Variants in ARID4B observed in about 807,000 individuals in gnomAD.
The protein encoded by ARID4B is AT-rich interactive domain-containing protein 4B.
ARID4B carries 26 observed loss-of-function variants against 147.5 expected under a neutral mutation model. The ratio of observed to expected loss-of-function variants is 0.18; its 90% CI spans 0.13 to 0.24. ARID4B has a LOEUF of 0.24. Among genes scored for constraint, ARID4B ranks in the 10% least tolerant of loss-of-function variants. ARID4B has a pLI of 1.00. For synonymous variants in ARID4B, 512 were observed against 507.9 expected (o/e 1.01, Z -0.11); for missense variants, 1,179 against 1,511.5 (o/e 0.78, Z 3.65).
rs11801118 is a variant in ARID4B at position 235,170,663 on chromosome 1, G to A, written c.3811+1955C>T. 2.1e-3 allele frequency among the ~76,000 whole-genome samples: 325 copies of A among 152,072 alleles called. 2 individuals carry two copies. Among genetic ancestry groups the A allele is most frequent in the African/African-American group, 7.5e-3 (310 of 41,498 alleles). On this transcript the variant is annotated intron_variant, in intron 23 of 23. Coordinates refer to ENST00000264183, the MANE Select transcript of ARID4B (RefSeq NM_016374.6). ...TGAGGCAGGAGAATGGCGTGAACCC[G>A]GGAGGCGGAGCTTGCAGTGAGCCAA...
At chr1:235,288,092 A>T (rs1156484072) in intron 2 of ARID4B, among the ~76,000 whole-genome samples, 1 of 152,220 alleles carries the variant, frequency 6.6e-6, no homozygotes, top group Admixed American at 6.5e-5. Context: ...GGATCACCTG[A>T]AGTCAGGAAT....
chr1:235,291,276 G>A (rs1318233843), intron 2 of ARID4B, among the ~76,000 whole-genome samples: 4 of 151,786 alleles, frequency 2.6e-5, no homozygotes, highest in African/African-American at 9.7e-5. Context: ...GCATGGTGGC[G>A]GGTGCCTGTA....
intron 12 of ARID4B, among the ~76,000 whole-genome samples, chr1:235,223,818 T>G (rs948447513): frequency 6.6e-6 from 1 of 151,650 alleles, no homozygotes; most frequent in African/African-American, 2.4e-5. Context: ...CTACAAAATA[T>G]ATGACTGGCT....
chr1:235,289,468 A>AT (rs1219114435), intron 2 of ARID4B, among the ~76,000 whole-genome samples: 1 of 152,178 alleles, frequency 6.6e-6, no homozygotes, highest in Non-Finnish European at 1.5e-5. Flanking sequence ...GTTCACTCCT[A>AT]TAGTCCCAAC....
chr1:235,208,383 TTAAA>T (rs1277384880), intron 17 of ARID4B, among the ~76,000 whole-genome samples: 5 of 152,304 alleles, frequency 3.3e-5, no homozygotes, highest in South Asian at 2.1e-4. Flanking sequence ...CTAAGAAAAG[TTAAA>T]TAGAGAGCCT....
At chr1:235,215,545 A>ATGTGTGTGTGTG (rs1324619607) in intron 16 of ARID4B, among the ~76,000 whole-genome samples, 29 of 109,010 alleles carry the variant, frequency 2.7e-4, no homozygotes, top group Non-Finnish European at 4.3e-4. Flanking sequence ...GCACACATAT[A>ATGTGTGTGTGTG]TATGTGTGTG....
At chr1:235,253,088 G>A (rs529547999) in intron 5 of ARID4B, among the ~76,000 whole-genome samples, 1 of 152,142 alleles carries the variant, frequency 6.6e-6, no homozygotes, top group African/African-American at 2.4e-5. Context: ...TATTTCAAGA[G>A]GAAAACATTT....
At chr1:235,183,314 T>C (rs938549169) in intron 19 of ARID4B, among the ~76,000 whole-genome samples, 3 of 151,966 alleles carry the variant, frequency 2.0e-5, no homozygotes, top group Admixed American at 2.0e-4. Flanking sequence ...GTTCACGCCA[T>C]TCTCCTGCCT....
At chr1:235,308,652 T>G (rs1673766054) in intron 2 of ARID4B, among the ~76,000 whole-genome samples, 1 of 152,066 alleles carries the variant, frequency 6.6e-6, no homozygotes, top group African/African-American at 2.4e-5. Flanking sequence ...TTTTTGTATT[T>G]TTTTGGTGGA....
chr1:235,219,719 T>C (rs887296990), intron 16 of ARID4B, 74 bp downstream of exon 16: 1 of 1,219,944 alleles, frequency 8.2e-7, no homozygotes, highest in African/African-American at 1.6e-5. Context: ...GATTCATACA[T>C]AAACACATAC....
At chr1:235,320,876 T>C (rs150388900) in intron 2 of ARID4B, among the ~76,000 whole-genome samples, 319 of 152,328 alleles carry the variant, frequency 2.1e-3, no homozygotes, top group African/African-American at 7.4e-3. Context: ...TTAAATGTCA[T>C]CTCGAAAAGG....
In ARID4B at chr1:235,302,187, AAAAC is replaced by A. The variant is rs1301828329; in HGVS notation, c.6+24723_6+24726del. Reference sequence around the variant, plus strand: ...AAAAAAAAAAAAAAAACAGCAAAAAAAAACAAAGAAACAAGGAAAAGGAAGGGAA... The same window carrying A: ...AAAAAAAAAAAAAAAACAGCAAAAAAAAAGAAACAAGGAAAAGGAAGGGAA... On this transcript the variant is annotated intron_variant, in intron 2 of 23. Coordinates refer to ENST00000264183, the MANE Select transcript of ARID4B (RefSeq NM_016374.6). Among the ~76,000 whole-genome samples, 93 of 146,928 alleles carry A rather than the reference AAAAC, an allele frequency of 6.3e-4. 1 individual carries two copies. The highest frequency in any genetic ancestry group is 1.1e-3 in the Non-Finnish European group (75 of 66,600).
chr1:235,216,042 AG>A lies in ARID4B; in HGVS notation c.1584-2017del, dbSNP rs1667051621. 3.9e-5 allele frequency among the ~76,000 whole-genome samples: 6 copies of A among 152,306 alleles called. No homozygotes were observed. The South Asian group carries it at 1.2e-3, about 32-fold the overall frequency. ...ATAATATATAAATAGTGATATAAGCAGCACTATAATGCTTTTTTATTCTCCT... is the reference window on the plus strand; with the variant it reads ...ATAATATATAAATAGTGATATAAGCACACTATAATGCTTTTTTATTCTCCT... On this transcript the variant is annotated intron_variant, in intron 16 of 23. Coordinates refer to ENST00000264183, the MANE Select transcript of ARID4B (RefSeq NM_016374.6).
chr1:235,194,928 G>A (rs1263284155), intron 18 of ARID4B, among the ~76,000 whole-genome samples: 2 of 152,094 alleles, frequency 1.3e-5, no homozygotes, highest in Admixed American at 6.6e-5. Context: ...GTCAAGTCAG[G>A]GGCAACCTTC....
intron 19 of ARID4B, among the ~76,000 whole-genome samples, chr1:235,192,474 A>T (rs1251635943): frequency 6.6e-6 from 1 of 152,058 alleles, no homozygotes; most frequent in Non-Finnish European, 1.5e-5. Flanking sequence ...AAAATTTTTT[A>T]AAAATCAATT....
chr1:235,260,846 A>AAC lies in ARID4B; in HGVS notation c.7-96_7-95dup, dbSNP rs543292500. ...AGTGAGCCTAATCTTGTTAAGCTAC[A>AAC]ACAGTTATAAATATGAAATGTATGT... is the stretch of plus-strand genomic sequence containing the variant. On this transcript the variant is annotated intron_variant, in intron 2 of 23. Coordinates refer to ENST00000264183, the MANE Select transcript of ARID4B (RefSeq NM_016374.6). 84 of 785,414 alleles carry AAC rather than the reference A, an allele frequency of 1.1e-4. No homozygotes were observed. The African/African-American group carries it at 1.4e-3, about 13-fold the overall frequency. The allele number at this position is 785,414 out of a possible 1,614,324, so 48.7% of individuals were successfully genotyped here.
chr1:235,282,010 T>A (rs1671699338), intron 2 of ARID4B, among the ~76,000 whole-genome samples: 1 of 152,136 alleles, frequency 6.6e-6, no homozygotes. Flanking sequence ...GGAACATACA[T>A]CATGAATATA....
chr1:235,230,441 CA>C (rs925591735), intron 10 of ARID4B, among the ~76,000 whole-genome samples: 4 of 100,310 alleles, frequency 4.0e-5, no homozygotes, highest in African/African-American at 1.2e-4. Context: ...CAAAACAAAA[CA>C]AAAAAAACAA....
At chr1:235,302,153 G>GAAAAAAAAAAAAAAAA (rs749154889) in intron 2 of ARID4B, among the ~76,000 whole-genome samples, 4 of 30,648 alleles carry the variant, frequency 1.3e-4, no homozygotes, top group Non-Finnish European at 2.2e-4. Flanking sequence ...TCAAAAAACG[G>GAAAAAAAAAAAAAAAA]AAAAAAAAAA....
Sources: gnomAD v4.1 joint callset for allele counts (sites outside exome capture counted in the v4.1 genomes callset) on GRCh38, gnomAD v4.1.1 for gene constraint, MANE v1.5 for transcripts, NCBI Gene and HGNC (gene_info 2026-07-23, HGNC 2026-07-21) for gene names.